Variants in ZFYVE28 observed in about 807,000 individuals in gnomAD.
ZFYVE28 encodes zinc finger FYVE-type containing 28.
ZFYVE28 carries 40 observed loss-of-function variants against 82.1 expected under a neutral mutation model. The observed-to-expected ratio is 0.49, with a 90% CI of 0.38 to 0.63. The LOEUF (loss-of-function observed/expected upper bound fraction) is 0.63, where lower values mean the gene tolerates loss of function less well. Ranked by LOEUF, ZFYVE28 falls within the 30% of genes least tolerant of loss-of-function variation. The probability of loss-of-function intolerance (pLI) is 0.00; values close to 1 mark genes in which losing one functional copy is unlikely to be tolerated. For missense variants in ZFYVE28, 1,321 were observed against 1,242.1 expected, an observed-to-expected ratio of 1.06 and a Z score of -0.96; for synonymous variants, 612 against 546.1, an observed-to-expected ratio of 1.12 and a Z score of -1.68.
chr4:2,380,119 G>A (rs1035359619), intron 1 of ZFYVE28, among the ~76,000 whole-genome samples: 6 of 152,158 alleles, frequency 3.9e-5, no homozygotes, highest in South Asian at 2.1e-4. Flanking sequence ...GTATACAATC[G>A]ATCAAACAAC....
At chr4:2,391,571 C>A (rs764752745) in intron 1 of ZFYVE28, among the ~76,000 whole-genome samples, 3 of 150,574 alleles carry the variant, frequency 2.0e-5, no homozygotes, top group Non-Finnish European at 4.4e-5. Flanking sequence ...TGTTGTACCA[C>A]CATCCCCACC....
chr4:2,370,007 A>G (rs1727354373), intron 1 of ZFYVE28, among the ~76,000 whole-genome samples: 1 of 151,408 alleles, frequency 6.6e-6, no homozygotes, highest in African/African-American at 2.4e-5. Flanking sequence ...TGCATCACCA[A>G]GCTCGACTAA....
rs1207848364 is a variant in ZFYVE28 at position 2,269,804 on chromosome 4, A to G, written c.*921T>C. 1 of 152,202 alleles carries G rather than the reference A, an allele frequency of 6.6e-6. No homozygotes were observed. The highest frequency in any genetic ancestry group is 2.4e-5 in the African/African-American group (1 of 41,440). The allele number at this position is 152,202 out of a possible 1,614,324, so 9.4% of individuals were successfully genotyped here. A position where few individuals can be genotyped will look rare whatever the true frequency, so the allele number is the denominator to read the frequency against. ...TGTCATCTCCAAAAATAAAACTGCAATCGTCATTGCAATGTGAAGCCTGAG... is the reference window on the plus strand; with the variant it reads ...TGTCATCTCCAAAAATAAAACTGCAGTCGTCATTGCAATGTGAAGCCTGAG... On this transcript the variant is annotated 3_prime_UTR_variant, in exon 13 of 13. Coordinates refer to ENST00000290974, the MANE Select transcript of ZFYVE28 (RefSeq NM_020972.3).
intron 2 of ZFYVE28, among the ~76,000 whole-genome samples, chr4:2,344,896 G>A (rs1578186216): frequency 6.7e-6 from 1 of 148,334 alleles, no homozygotes; most frequent in African/African-American, 2.5e-5. Context: ...AAAAAACTCT[G>A]TCTCAAAAAC....
intron 1 of ZFYVE28, among the ~76,000 whole-genome samples, chr4:2,366,139 G>A (rs1315260530): frequency 6.6e-6 from 1 of 152,244 alleles, no homozygotes; most frequent in Non-Finnish European, 1.5e-5. Flanking sequence ...TCTGGGGGGA[G>A]TGCGACGCAG....
At chr4:2,328,237 T>A (rs1720162449) in intron 6 of ZFYVE28, among the ~76,000 whole-genome samples, 1 of 152,156 alleles carries the variant, frequency 6.6e-6, no homozygotes, top group African/African-American at 2.4e-5. Context: ...CAAAAGAGAT[T>A]CTGACATTTG....
rs1374646510 is a variant in ZFYVE28 at position 2,396,137 on chromosome 4, G to GGGAAGCCGC, written c.39+22147_39+22148insGCGGCTTCC. ...AGAGGGGCCACAAGGCGGGGTGTCTGAGCTGATGGGACCAGCCATCCTGCA... is the reference window on the plus strand; with the variant it reads ...AGAGGGGCCACAAGGCGGGGTGTCTGGGAAGCCGCAGCTGATGGGACCAGCCATCCTGCA... On this transcript the variant is annotated intron_variant, in intron 1 of 12. Coordinates refer to ENST00000290974, the MANE Select transcript of ZFYVE28 (RefSeq NM_020972.3). Among the ~76,000 whole-genome samples the GGGAAGCCGC allele has an allele frequency of 1.5e-3, 110 of 72,370 alleles. 1 individual carries two copies. The highest frequency in any genetic ancestry group is 1.9e-3 in the Non-Finnish European group (59 of 30,728). The allele number at this position is 72,370 out of a possible 152,430, so 47.5% of individuals were successfully genotyped here. A position where few individuals can be genotyped will look rare whatever the true frequency, so the allele number is the denominator to read the frequency against.
Position 2,418,147 on chromosome 4 carries a change from AG to A in ZFYVE28, c.39+137del, listed in dbSNP as rs930827469. 1.5e-6 allele frequency: 1 copy of A among 679,110 alleles called. No individual in the cohort carries two copies. The highest frequency in any genetic ancestry group is 2.2e-6 in the Non-Finnish European group (1 of 448,596). 42.1% of individuals were successfully genotyped at this position (679,110 alleles called of 1,614,324 possible). A position where few individuals can be genotyped will look rare whatever the true frequency, so the allele number is the denominator to read the frequency against. On this transcript the variant is annotated intron_variant, in intron 1 of 12. Coordinates refer to ENST00000290974, the MANE Select transcript of ZFYVE28 (RefSeq NM_020972.3). This position sits in a 1 kb window ranked among gnomAD's most constrained non-coding sequence, Gnocchi z 4.6. ...AAGATCTGTCCAAGTCTTGGAGTGG[AG>A]GGAAGGATGTCGGCGGTGGGGGAAG...
At chr4:2,403,171 G>A (rs77191934) in intron 1 of ZFYVE28, among the ~76,000 whole-genome samples, 4,005 of 152,294 alleles carry the variant, frequency 0.026, 202 homozygotes, top group African/African-American at 0.092. Context: ...CAGCTACCAG[G>A]GCTGCCCTGA....
chr4:2,400,854 T>C (rs868758025), intron 1 of ZFYVE28, among the ~76,000 whole-genome samples: 5 of 152,218 alleles, frequency 3.3e-5, no homozygotes, highest in Middle Eastern at 6.8e-3. Flanking sequence ...CTAACTCAAA[T>C]GTTAACATCC....
At chr4:2,297,131 G>GCAC (rs1714702050) in intron 8 of ZFYVE28, among the ~76,000 whole-genome samples, 1 of 152,264 alleles carries the variant, frequency 6.6e-6, no homozygotes, top group Admixed American at 6.5e-5. Flanking sequence ...CCAGCAGCAG[G>GCAC]TGACTCCCCA....
At chr4:2,285,155 G>C (rs1382075393) in intron 8 of ZFYVE28, among the ~76,000 whole-genome samples, 4 of 146,266 alleles carry the variant, frequency 2.7e-5, no homozygotes, top group Non-Finnish European at 6.0e-5. Context: ...TGAAGGCAGG[G>C]ACTGGAGTGA....
intron 1 of ZFYVE28, among the ~76,000 whole-genome samples, chr4:2,356,677 G>C (rs900480707): frequency 2.0e-5 from 3 of 152,222 alleles, no homozygotes; most frequent in African/African-American, 7.2e-5. Context: ...AAGAAGAGTG[G>C]GGTTGGGAGG....
intron 7 of ZFYVE28, among the ~76,000 whole-genome samples, chr4:2,314,584 T>A (rs1482988063): frequency 6.6e-6 from 1 of 152,222 alleles, no homozygotes; most frequent in Non-Finnish European, 1.5e-5. Flanking sequence ...CCTTGACTGA[T>A]CACATTCTAA....
intron 1 of ZFYVE28, among the ~76,000 whole-genome samples, chr4:2,380,048 C>T (rs1048072531): frequency 6.6e-6 from 1 of 152,172 alleles, no homozygotes; most frequent in Non-Finnish European, 1.5e-5. Flanking sequence ...TTAGCATTTT[C>T]TCTGCACTGA....
chr4:2,407,936 T>A (rs1356460717), intron 1 of ZFYVE28, among the ~76,000 whole-genome samples: 5 of 152,348 alleles, frequency 3.3e-5, no homozygotes, highest in African/African-American at 1.2e-4. Flanking sequence ...ACCTTACGCA[T>A]GCCAGGGAGT....
At chr4:2,274,015 C>T (rs769485669) in intron 9 of ZFYVE28, 47 bp downstream of exon 9, 1 of 1,601,916 alleles carries the variant, frequency 6.2e-7, no homozygotes, top group Admixed American at 1.7e-5. Context: ...AAAGCGCAGC[C>T]CGTGTGTCCT....
intron 8 of ZFYVE28, among the ~76,000 whole-genome samples, chr4:2,283,330 C>G (rs920037929): frequency 6.8e-6 from 1 of 146,670 alleles, no homozygotes; most frequent in Non-Finnish European, 1.5e-5. Flanking sequence ...CATCTACCCA[C>G]CCACCCATCC....
intron 1 of ZFYVE28, among the ~76,000 whole-genome samples, chr4:2,354,422 C>T (rs1218896301): frequency 6.6e-6 from 1 of 150,888 alleles, no homozygotes; most frequent in Non-Finnish European, 1.5e-5. Context: ...GGGTCCCCGG[C>T]GCTCCAGGCG....
Sources: gnomAD v4.1 joint callset for allele counts (sites outside exome capture counted in the v4.1 genomes callset) on GRCh38, gnomAD v4.1.1 for gene constraint, Gnocchi (gnomAD v3.1) non-coding constraint, MANE v1.5 for transcripts, NCBI Gene and HGNC (gene_info 2026-07-23, HGNC 2026-07-21) for gene names.